The following ACTG2 variants were observed in gnomAD, a reference collection of about 807,000 sequenced individuals.
The protein encoded by ACTG2 is actin gamma 2, smooth muscle.
ACTG2 carries 16 observed loss-of-function variants against 37.6 expected under a neutral mutation model. The observed-to-expected ratio is 0.43, with a 90% confidence interval of 0.29 to 0.65. The LOEUF (loss-of-function observed/expected upper bound fraction) is 0.65, where lower values mean the gene tolerates loss of function less well. ACTG2 is among the 30% of genes least tolerant of loss of function. The probability of loss-of-function intolerance (pLI) is 0.18; values close to 1 mark genes in which losing one functional copy is unlikely to be tolerated. For synonymous variants in ACTG2, 181 were observed against 179.9 expected (o/e 1.01, Z -0.05); for missense variants, 238 against 490.9 (o/e 0.48, Z 4.87).
At chr2:73,902,646 T>C in intron 3 of ACTG2, 158 bp downstream of exon 3, 1 of 1,552,204 alleles carries the variant, frequency 6.4e-7, no homozygotes, top group South Asian at 1.2e-5. Flanking sequence ...TTCTCCAACC[T>C]AGGCTGCCAA....
At chr2:73,901,461 C>T in intron 2 of ACTG2, 24 bp downstream of exon 2, 1 of 1,612,894 alleles carries the variant, frequency 6.2e-7, no homozygotes. Context: ...TGGATACCAC[C>T]AGGCTTTGAG....
Position 73,919,646 on chromosome 2 carries a change from A to C in ACTG2, c.*71A>C. The C allele has an allele frequency of 6.5e-7, 1 of 1,537,546 alleles. No homozygotes were observed. The highest frequency in any genetic ancestry group is 8.8e-7 in the Non-Finnish European group (1 of 1,131,360). On this transcript the variant is annotated 3_prime_UTR_variant, in exon 9 of 9. Transcript: ENST00000345517. ...CCAGTCATGAAACATTAAAACCTAC[A>C]AGCCTTACTTCTCTGTGTGGGGCTC...
chr2:73,902,235 T>C, intron 2 of ACTG2, 125 bp from the exon 3 acceptor site: 6 of 1,143,610 alleles, frequency 5.2e-6, no homozygotes, highest in Non-Finnish European at 7.4e-6. Context: ...CCTGCTATCC[T>C]GTTTCTGGGG....
intron 2 of ACTG2, chr2:73,901,755 G>A (rs1679889671): frequency 2.9e-6 from 1 of 345,496 alleles, no homozygotes; most frequent in Non-Finnish European, 5.1e-6. Context: ...GCTTACATTT[G>A]GGGGGTTGCC....
chr2:73,901,587 CGT>C (rs140664533), intron 2 of ACTG2, 150 bp downstream of exon 2: 16,219 of 139,866 alleles, frequency 0.12, 797 homozygotes, highest in African/African-American at 0.41. Flanking sequence ...TGTGTCTGTG[CGT>C]GTGTGTGTGT....
At chr2:73,893,555 CCTCTG>C (rs1679676994) in intron 1 of ACTG2, among the ~76,000 whole-genome samples, 1 of 152,184 alleles carries the variant, frequency 6.6e-6, no homozygotes, top group Admixed American at 6.5e-5. Flanking sequence ...GTCTCTCTGT[CCTCTG>C]ATCTGTGCTT....
chr2:73,906,428 G>A (rs1680016873), intron 3 of ACTG2, among the ~76,000 whole-genome samples: 1 of 151,636 alleles, frequency 6.6e-6, no homozygotes, highest in African/African-American at 2.4e-5. Flanking sequence ...TCCAGCCTGG[G>A]CGACAGAGCA....
At chr2:73,893,251 C>T (rs192760573) in intron 1 of ACTG2, among the ~76,000 whole-genome samples, 200 bp downstream of exon 1, 1 of 152,312 alleles carries the variant, frequency 6.6e-6, no homozygotes, top group Admixed American at 6.5e-5. Flanking sequence ...CATCCTGGGG[C>T]AGGGGCAGCT....
intron 2 of ACTG2, among the ~76,000 whole-genome samples, chr2:73,902,018 CGT>C (rs71245662): frequency 2.4e-4 from 35 of 146,436 alleles, no homozygotes; most frequent in Middle Eastern, 3.6e-3. Flanking sequence ...GCATACAAGT[CGT>C]GTGTGTGTGT....
At chr2:73,904,775 GTGTATATATATATA>G (rs1366062410) in intron 3 of ACTG2, among the ~76,000 whole-genome samples, 60 of 19,122 alleles carry the variant, frequency 3.1e-3, no homozygotes, top group African/African-American at 8.7e-3. Flanking sequence ...GTGTGTGTGT[GTGTATATATATATA>G]TATATATATA....
At chr2:73,905,963 T>C (rs1680006688) in intron 3 of ACTG2, among the ~76,000 whole-genome samples, 1 of 151,458 alleles carries the variant, frequency 6.6e-6, no homozygotes. Flanking sequence ...ATATTTATTA[T>C]GAAAAGTAAA....
chr2:73,901,790 G>T, intron 2 of ACTG2: 1 of 270,040 alleles, frequency 3.7e-6, no homozygotes, highest in Non-Finnish European at 6.8e-6. Flanking sequence ...TAATTTATAT[G>T]GGATTGAACA....
rs190532096 is a variant in ACTG2 at position 73,903,796 on chromosome 2, T to A, written c.255+1308T>A. On this transcript the variant is annotated intron_variant, in intron 3 of 8. Coordinates refer to ENST00000345517, the MANE Select transcript of ACTG2 (RefSeq NM_001615.4). ...CTCTACTAAAAATACAAAAATTAGC[T>A]GGACATGGTGGCGGGTGCCTGTAAT... is the stretch of plus-strand genomic sequence containing the variant. Among the ~76,000 whole-genome samples the A allele has an allele frequency of 2.5e-3, 377 of 151,790 alleles. 1 individual carries two copies. The highest frequency in any genetic ancestry group is 0.01 in the Middle Eastern group (3 of 292).
chr2:73,904,765 GTGTGTGTGTGTGTATATATA>G (rs1329886082), intron 3 of ACTG2, among the ~76,000 whole-genome samples: 674 of 59,926 alleles, frequency 0.011, 4 homozygotes, highest in Middle Eastern at 0.031. Context: ...GTGTGTGTGT[GTGTGTGTGTGTGTATATATA>G]TATATATATA....
chr2:73,902,673 A>G (rs1314135987), intron 3 of ACTG2, 185 bp downstream of exon 3: 1 of 1,551,652 alleles, frequency 6.4e-7, no homozygotes, highest in African/African-American at 1.4e-5. Context: ...TCCCTGGACT[A>G]TTGCAATGGC....
intron 1 of ACTG2, among the ~76,000 whole-genome samples, chr2:73,895,076 C>A (rs761521721): frequency 6.6e-6 from 1 of 151,936 alleles, no homozygotes; most frequent in South Asian, 2.1e-4. Context: ...GGGAAGAGGG[C>A]GGCACCAGGG....
chr2:73,901,649 C>A lies in ACTG2; in HGVS notation c.126+212C>A, dbSNP rs979166437. ...GTGTGCACGCCAGGTGTAGGGAGTT[C>A]TTTTCTGATTAACTGATAGAGCAGG... On this transcript the variant is annotated intron_variant, in intron 2 of 8. Transcript: ENST00000345517. 28 of 855,598 alleles carry A rather than the reference C, an allele frequency of 3.3e-5. No individual in the cohort carries two copies. In the African/African-American group the frequency reaches 5.0e-4, roughly 15 times the overall value. The allele number at this position is 855,598 out of a possible 1,614,324, so 53.0% of individuals were successfully genotyped here.
Position 73,913,658 on chromosome 2 carries a change from C to G in ACTG2, c.613+12C>G. On this transcript the variant is annotated intron_variant, in intron 6 of 8. Coordinates refer to ENST00000345517, the MANE Select transcript of ACTG2 (RefSeq NM_001615.4). ...CTTTGTGACCACAGGTATCCAGCCC[C>G]TTTTCTGATTCTGACTGGAGCTCAG... The G allele has an allele frequency of 6.2e-7, 1 of 1,602,258 alleles. No individual in the cohort carries two copies. Among genetic ancestry groups the G allele is most frequent in the Non-Finnish European group, 8.5e-7 (1 of 1,171,388 alleles).
At chr2:73,896,834 C>T (rs772750840) in intron 1 of ACTG2, 1 of 152,348 alleles carries the variant, frequency 6.6e-6, no homozygotes, top group East Asian at 1.9e-4. Context: ...CAGAACAACT[C>T]TCTGCTCCCT....
Sources: gnomAD v4.1 joint callset for allele counts (sites outside exome capture counted in the v4.1 genomes callset) on GRCh38, gnomAD v4.1.1 for gene constraint, MANE v1.5 for transcripts, NCBI Gene and HGNC (gene_info 2026-07-23, HGNC 2026-07-21) for gene names.